Variants in TMEM178B observed in about 807,000 individuals in gnomAD.
TMEM178B encodes the protein transmembrane protein 178B.
In TMEM178B, 5 loss-of-function variants were observed where a neutral mutation model predicts 31.0. The observed-to-expected ratio is 0.16, with a 90% CI of 0.08 to 0.34. TMEM178B has a LOEUF of 0.34. TMEM178B is among the 10% of genes least tolerant of loss of function. The probability of loss-of-function intolerance (pLI) is 1.00; values close to 1 mark genes in which losing one functional copy is unlikely to be tolerated. For synonymous variants in TMEM178B, 164 were observed against 164.0 expected (o/e 1.00, Z 0.00); for missense variants, 275 against 400.3 (o/e 0.69, Z 2.67).
chr7:141,481,490 C>A (rs1449292008), downstream of TMEM178B, among the ~76,000 whole-genome samples: 3 of 152,166 alleles, frequency 2.0e-5, no homozygotes, highest in Non-Finnish European at 4.4e-5. Context: ...GTGACATAAA[C>A]CATGACAGTG....
chr7:141,267,247 T>C lies in TMEM178B; in HGVS notation c.496+54543T>C, dbSNP rs547908666. Among the ~76,000 whole-genome samples the C allele has an allele frequency of 3.3e-5, 5 of 152,346 alleles. No homozygotes were observed. In the South Asian group the frequency reaches 1.0e-3, roughly 32 times the overall value. On this transcript the variant is annotated intron_variant, in intron 2 of 3. Transcript: ENST00000565468. ...ACGTACCTCAAATTTCTATGGTTAATGGGTTTTCCTGTCTATCCTGACAAG... is the reference window on the plus strand; with the variant it reads ...ACGTACCTCAAATTTCTATGGTTAACGGGTTTTCCTGTCTATCCTGACAAG...
the TMEM178B span, among the ~76,000 whole-genome samples, chr7:141,490,320 T>C: frequency 6.6e-6 from 1 of 152,316 alleles, no homozygotes; most frequent in Admixed American, 6.5e-5. Flanking sequence ...TAAGATGAAG[T>C]AATTAGACTT....
At chr7:141,219,512 C>T (rs1242472838) in intron 2 of TMEM178B, among the ~76,000 whole-genome samples, 2 of 152,164 alleles carry the variant, frequency 1.3e-5, no homozygotes, top group Non-Finnish European at 2.9e-5. Flanking sequence ...CACCTCCTTG[C>T]CCCAGAACTA....
At chr7:141,294,141 G>T (rs879354082) in intron 2 of TMEM178B, among the ~76,000 whole-genome samples, 3 of 152,130 alleles carry the variant, frequency 2.0e-5, no homozygotes, top group African/African-American at 7.2e-5. Context: ...TGTGGGTAAT[G>T]GTTCTTGCTC....
At chr7:141,370,874 C>T (rs778142168) in intron 2 of TMEM178B, among the ~76,000 whole-genome samples, 25 of 152,220 alleles carry the variant, frequency 1.6e-4, no homozygotes, top group Non-Finnish European at 3.2e-4. Context: ...CTCAGTCATG[C>T]GGCTCAGAAG....
chr7:141,382,346 T>C (rs1342114068), intron 2 of TMEM178B, among the ~76,000 whole-genome samples: 1 of 152,208 alleles, frequency 6.6e-6, no homozygotes, highest in Non-Finnish European at 1.5e-5. Flanking sequence ...TGTGAAGTGC[T>C]AGACAAAGCC....
chr7:141,158,005 C>A (rs958815885), intron 1 of TMEM178B, among the ~76,000 whole-genome samples: 7 of 152,198 alleles, frequency 4.6e-5, no homozygotes, highest in African/African-American at 1.7e-4. Flanking sequence ...TAGGCCAGCA[C>A]GAGTCCCACT....
intron 2 of TMEM178B, among the ~76,000 whole-genome samples, chr7:141,297,778 C>A (rs1431781456): frequency 1.3e-5 from 2 of 152,134 alleles, no homozygotes; most frequent in African/African-American, 2.4e-5. Flanking sequence ...TGGGTTGGTT[C>A]CAAGTCTTTG....
At chr7:141,259,450 T>C (rs1330310482) in intron 2 of TMEM178B, among the ~76,000 whole-genome samples, 1 of 152,230 alleles carries the variant, frequency 6.6e-6, no homozygotes, top group African/African-American at 2.4e-5. Flanking sequence ...CATTTTATAT[T>C]GACTGCTTCT....
chr7:141,136,986 A>G (rs887673012), intron 1 of TMEM178B, among the ~76,000 whole-genome samples: 8 of 152,370 alleles, frequency 5.3e-5, no homozygotes, highest in African/African-American at 1.9e-4. Flanking sequence ...GGAAATGCAA[A>G]TTAAAGCCAC....
At chr7:141,464,935 ATGT>A (rs906130120) in intron 3 of TMEM178B, among the ~76,000 whole-genome samples, 41 of 152,264 alleles carry the variant, frequency 2.7e-4, no homozygotes, top group Admixed American at 2.4e-3. Flanking sequence ...GAGTTTTTTC[ATGT>A]TGTTGTTACA....
At chr7:141,080,229 C>A (rs548166515) in intron 1 of TMEM178B, among the ~76,000 whole-genome samples, 1 of 152,302 alleles carries the variant, frequency 6.6e-6, no homozygotes, top group African/African-American at 2.4e-5. Context: ...TTCATTCATT[C>A]AACAAGTATT....
intron 2 of TMEM178B, among the ~76,000 whole-genome samples, chr7:141,263,296 C>T (rs915511736): frequency 6.6e-6 from 1 of 152,164 alleles, no homozygotes; most frequent in African/African-American, 2.4e-5. Flanking sequence ...AATTTCTTCT[C>T]TTGGGCTGAG....
intron 2 of TMEM178B, among the ~76,000 whole-genome samples, chr7:141,253,793 C>T (rs1185603518): frequency 6.6e-6 from 1 of 151,838 alleles, no homozygotes; most frequent in African/African-American, 2.4e-5. Context: ...CTCAGGTGAT[C>T]CGCCTGCCTC....
At chr7:141,258,609 G>A (rs1797967141) in intron 2 of TMEM178B, among the ~76,000 whole-genome samples, 1 of 152,176 alleles carries the variant, frequency 6.6e-6, no homozygotes, top group African/African-American at 2.4e-5. Context: ...CAGCCCGAGG[G>A]CTTCCTTTAT....
In TMEM178B at chr7:141,396,941, C is replaced by T. The variant is rs560082913; in HGVS notation, c.497-40667C>T. Among the ~76,000 whole-genome samples the T allele has an allele frequency of 2.0e-5, 3 of 152,286 alleles. No individual in the cohort carries two copies. The East Asian group carries it at 5.8e-4, about 29-fold the overall frequency. ...ACATTTGTGATTATTGTCATTCATTCAGGAGAGAAAAAGAGAGCCAACAGG... is the reference window on the plus strand; with the variant it reads ...ACATTTGTGATTATTGTCATTCATTTAGGAGAGAAAAAGAGAGCCAACAGG... On this transcript the variant is annotated intron_variant, in intron 2 of 3. Coordinates refer to ENST00000565468, the MANE Select transcript of TMEM178B (RefSeq NM_001195278.2).
At position 141,154,784 on chromosome 7, in the gene TMEM178B, C is replaced by T. The variant is rs186771491; in HGVS notation, c.383-57807C>T. ...TTGCTCTGTTGCCCAGGCTGGAGTG[C>T]AATGGTGCAATCTTGGCCCACTGCA... On this transcript the variant is annotated intron_variant, in intron 1 of 3. Coordinates refer to ENST00000565468, the MANE Select transcript of TMEM178B (RefSeq NM_001195278.2). Among the ~76,000 whole-genome samples, 62 of 150,678 alleles carry T rather than the reference C, an allele frequency of 4.1e-4. 1 individual carries two copies. The highest frequency in any genetic ancestry group is 4.1e-3 in the East Asian group (21 of 5,108).
At chr7:141,220,046 A>G (rs1797229640) in intron 2 of TMEM178B, among the ~76,000 whole-genome samples, 1 of 152,172 alleles carries the variant, frequency 6.6e-6, no homozygotes, top group South Asian at 2.1e-4. Context: ...TGGGCCAGGC[A>G]TGGTGTCTCG....
intron 2 of TMEM178B, among the ~76,000 whole-genome samples, chr7:141,218,748 C>T (rs148097038): frequency 1.9e-4 from 29 of 152,232 alleles, no homozygotes; most frequent in African/African-American, 7.0e-4. Flanking sequence ...CTGGTGCTGT[C>T]TAGACTCTCT....
Sources: gnomAD v4.1 joint callset for allele counts (sites outside exome capture counted in the v4.1 genomes callset) on GRCh38, gnomAD v4.1.1 for gene constraint, MANE v1.5 for transcripts, NCBI Gene and HGNC (gene_info 2026-07-23, HGNC 2026-07-21) for gene names.